TMEM161B: variants seen among roughly 807,000 people sequenced by gnomAD.
TMEM161B encodes the protein transmembrane protein 161B.
In TMEM161B, 34 loss-of-function variants were observed where a neutral mutation model predicts 61.8. The observed-to-expected ratio is 0.55, with a 90% CI of 0.42 to 0.73. TMEM161B has a LOEUF of 0.73. Ranked by LOEUF, TMEM161B falls within the 30% of genes least tolerant of loss-of-function variation. The pLI is 0.00. For missense variants in TMEM161B, 456 were observed against 558.5 expected, an observed-to-expected ratio of 0.82 and a Z score of 1.85; for synonymous variants, 167 against 192.8, an observed-to-expected ratio of 0.87 and a Z score of 1.11.
At chr5:88,243,536 G>C (rs978651669) in intron 1 of TMEM161B, among the ~76,000 whole-genome samples, 1 of 151,840 alleles carries the variant, frequency 6.6e-6, no homozygotes, top group African/African-American at 2.4e-5. Context: ...TTGCTATTGT[G>C]AATAGTGCTG....
At chr5:88,227,092 G>A (rs573987652) in intron 3 of TMEM161B, among the ~76,000 whole-genome samples, 1 of 152,154 alleles carries the variant, frequency 6.6e-6, no homozygotes, top group Admixed American at 6.5e-5. Flanking sequence ...GTGAGGCTGA[G>A]GTGGGAAGAT....
intron 1 of TMEM161B, among the ~76,000 whole-genome samples, chr5:88,254,015 A>C (rs1754665996): frequency 6.6e-6 from 1 of 151,744 alleles, no homozygotes; most frequent in African/African-American, 2.4e-5. Flanking sequence ...AAATATATTT[A>C]TTATAAGAGA....
downstream of TMEM161B, among the ~76,000 whole-genome samples, chr5:88,187,621 TCTTA>T (rs1748431762): frequency 6.6e-6 from 1 of 152,202 alleles, no homozygotes; most frequent in Non-Finnish European, 1.5e-5. Flanking sequence ...TTGCTTGTAT[TCTTA>T]CTTTTTAAAT....
chr5:88,244,805 T>A (rs117085048), intron 1 of TMEM161B, among the ~76,000 whole-genome samples: 1 of 151,888 alleles, frequency 6.6e-6, no homozygotes, highest in African/African-American at 2.4e-5. Context: ...GTTTATGTTA[T>A]CTCTGATTTC....
chr5:88,191,324 C>T (rs1748824637), downstream of TMEM161B, among the ~76,000 whole-genome samples: 6 of 152,186 alleles, frequency 3.9e-5, no homozygotes, highest in Admixed American at 3.9e-4. Context: ...CAACAATACA[C>T]ATCCAGATAT....
intron 1 of TMEM161B, among the ~76,000 whole-genome samples, chr5:88,254,113 T>C (rs954858264): frequency 1.3e-5 from 2 of 151,906 alleles, no homozygotes; most frequent in African/African-American, 4.8e-5. Context: ...TGCTTAAGGG[T>C]CAGAAATAGA....
intron 9 of TMEM161B, chr5:88,200,854 A>T (rs1744263126): frequency 6.6e-6 from 1 of 152,054 alleles, no homozygotes; most frequent in Admixed American, 6.6e-5. Context: ...ATGCTTTATC[A>T]GAACACATGA....
At chr5:88,206,546 G>A (rs756212376) in intron 6 of TMEM161B, 47 bp from the exon 7 acceptor site, 6 of 1,437,276 alleles carry the variant, frequency 4.2e-6, no homozygotes, top group Admixed American at 2.4e-5. Flanking sequence ...TATCACAAAT[G>A]TGAAATACAG....
chr5:88,223,808 G>C (rs1213477202), intron 4 of TMEM161B, among the ~76,000 whole-genome samples: 1 of 151,964 alleles, frequency 6.6e-6, no homozygotes, highest in African/African-American at 2.4e-5. Context: ...AGAATGGCGT[G>C]AACCTGGGAG....
At chr5:88,253,838 A>G (rs898025981) in intron 1 of TMEM161B, among the ~76,000 whole-genome samples, 1 of 152,152 alleles carries the variant, frequency 6.6e-6, no homozygotes, top group Non-Finnish European at 1.5e-5. Context: ...TAAAACTTTT[A>G]GAGAAAAAAT....
At chr5:88,220,751 AGGTCAAAAAAAACAG>A (rs749775549) in intron 4 of TMEM161B, 32 bp from the exon 5 acceptor site, 139 of 1,407,814 alleles carry the variant, frequency 9.9e-5, no homozygotes, top group Non-Finnish European at 1.3e-4. Context: ...AAAAAAAAAA[AGGTCAAAAAAAACAG>A]TTTCACTTAC....
intron 1 of TMEM161B, among the ~76,000 whole-genome samples, chr5:88,264,354 G>C (rs1021388900): frequency 1.3e-5 from 2 of 152,138 alleles, no homozygotes; most frequent in Non-Finnish European, 1.5e-5. Context: ...TTGGTCATTA[G>C]AGAAATACAA....
chr5:88,234,268 T>C (rs151284168), intron 2 of TMEM161B, among the ~76,000 whole-genome samples: 1 of 152,282 alleles, frequency 6.6e-6, no homozygotes, highest in East Asian at 1.9e-4. Context: ...TTTGGTAGTA[T>C]ACAGATGAGA....
chr5:88,217,121 T>A (rs1045381477), intron 5 of TMEM161B, among the ~76,000 whole-genome samples: 9 of 152,162 alleles, frequency 5.9e-5, no homozygotes, highest in African/African-American at 2.2e-4. Flanking sequence ...CCAGTTGTGG[T>A]GGCACGTGCC....
chr5:88,229,131 T>C (rs967589025), intron 2 of TMEM161B, among the ~76,000 whole-genome samples: 3 of 152,232 alleles, frequency 2.0e-5, no homozygotes, highest in African/African-American at 4.8e-5. Flanking sequence ...CAAAATACTT[T>C]AATCTGAAGT....
chr5:88,250,352 G>T (rs1221255495), intron 1 of TMEM161B, among the ~76,000 whole-genome samples: 9 of 151,922 alleles, frequency 5.9e-5, no homozygotes, highest in Non-Finnish European at 1.0e-4. Flanking sequence ...TGTTACAAAA[G>T]AAAAATCATC....
chr5:88,215,129 T>C (rs1747584356), intron 5 of TMEM161B, among the ~76,000 whole-genome samples: 1 of 152,214 alleles, frequency 6.6e-6, no homozygotes, highest in South Asian at 2.1e-4. Context: ...ATGTGTCTAA[T>C]TTGGGGACCA....
At chr5:88,192,167 A>C (rs903847550), downstream of TMEM161B, among the ~76,000 whole-genome samples, 2 of 150,856 alleles carry the variant, frequency 1.3e-5, no homozygotes, top group Non-Finnish European at 1.5e-5. Context: ...TTTATTTAAG[A>C]AAATAAATTG....
chr5:88,223,163 G>A (rs1304963139), intron 4 of TMEM161B, among the ~76,000 whole-genome samples: 1 of 146,876 alleles, frequency 6.8e-6, no homozygotes, highest in Non-Finnish European at 1.5e-5. Flanking sequence ...AAATAGCCTA[G>A]TTCTCACTAA....
Sources: gnomAD v4.1 joint callset for allele counts (sites outside exome capture counted in the v4.1 genomes callset) on GRCh38, gnomAD v4.1.1 for gene constraint, MANE v1.5 for transcripts, NCBI Gene and HGNC (gene_info 2026-07-23, HGNC 2026-07-21) for gene names.